GSS: variants seen among roughly 807,000 people sequenced by gnomAD.
The protein encoded by GSS is glutathione synthetase.
GSS carries 34 observed loss-of-function variants against 60.4 expected under a neutral mutation model. The observed-to-expected ratio is 0.56, with a 90% CI of 0.43 to 0.75. GSS has a LOEUF of 0.75. Ranked by LOEUF, GSS falls within the 30% of genes least tolerant of loss-of-function variation. The pLI is 0.00. For missense variants in GSS, 499 were observed against 595.1 expected (o/e 0.84, Z 1.68); for synonymous variants, 224 against 239.0 (o/e 0.94, Z 0.58).
chr20:34,929,334 AGGCTGGCTCACTT>A, intron 12 of GSS, 54 bp downstream of exon 12: 1 of 1,308,448 alleles, frequency 7.6e-7, no homozygotes. Context: ...GTTCCCCTCT[AGGCTGGCTCACTT>A]GGCTGGCACT....
intron 1 of GSS, chr20:34,952,736 G>A: frequency 6.6e-6 from 1 of 152,144 alleles, no homozygotes; most frequent in Admixed American, 6.6e-5. Flanking sequence ...ACCCAGCCGA[G>A]GCTTTGTATT....
At chr20:34,949,042 A>T (rs78833216) in intron 2 of GSS, among the ~76,000 whole-genome samples, 1 of 148,420 alleles carries the variant, frequency 6.7e-6, no homozygotes, top group Admixed American at 6.7e-5. Flanking sequence ...TAATTTCATG[A>T]TTTTTTTTTT....
At chr20:34,929,358 C>A in intron 12 of GSS, 43 bp downstream of exon 12, 3 of 1,536,730 alleles carry the variant, frequency 2.0e-6, no homozygotes, top group Non-Finnish European at 2.7e-6. Flanking sequence ...GGCTGGCACT[C>A]TTGCAAGCAG....
intron 12 of GSS, 108 bp downstream of exon 12, chr20:34,929,293 C>T: frequency 5.1e-6 from 5 of 985,492 alleles, no homozygotes; most frequent in South Asian, 1.3e-5. Context: ...AGAGCTGGCA[C>T]CGAAGCCCAG....
chr20:34,931,822 C>T, intron 10 of GSS, 117 bp downstream of exon 10: 2 of 945,436 alleles, frequency 2.1e-6, no homozygotes, highest in Non-Finnish European at 1.7e-6. Context: ...CATCACCAAC[C>T]TTGCCAGCTC....
At position 34,932,110 on chromosome 20, in the gene GSS, C is replaced by T. The variant is rs1461396356; in HGVS notation, c.858G>A (p.Leu286=). ...SLQNWEARLL[L]ERSHAAKCPD... ...GGCACTTGGCAGCATGTGACCTCTC[C>T]AGCAGTAGACGTGCTTCCCAATTCT... The change falls in exon 10 of 13, where the codon CTG becomes CTA. Residue 286 remains leucine, a synonymous_variant. Coordinates refer to ENST00000651619, the MANE Select transcript of GSS (RefSeq NM_000178.4). The T allele has an allele frequency of 6.2e-7, 1 of 1,614,014 alleles. No individual in the cohort carries two copies. Among genetic ancestry groups the T allele is most frequent in the Non-Finnish European group, 8.5e-7 (1 of 1,179,842 alleles).
chr20:34,928,939 T>C lies in GSS; in HGVS notation c.1314A>G (p.Thr438=), dbSNP rs1427635872. Residue 438 remains threonine, a synonymous_variant, in exon 13 of 13, where the codon ACA becomes ACG. Coordinates refer to ENST00000651619, the MANE Select transcript of GSS (RefSeq NM_000178.4). ...IFGVYVRQEK[T]LVMNKHVGHL... ...GCCCCACGTGCTTGTTCATCACGAG[T>C]GTCTTTTCCTGCCTATAGAAATGGA... is the stretch of plus-strand genomic sequence containing the variant. The C allele has an allele frequency of 6.2e-7, 1 of 1,613,200 alleles. No homozygotes were observed. Among genetic ancestry groups the C allele is most frequent in the Non-Finnish European group, 8.5e-7 (1 of 1,179,996 alleles).
chr20:34,930,463 T>C (rs368227822), intron 11 of GSS, among the ~76,000 whole-genome samples: 1 of 152,024 alleles, frequency 6.6e-6, no homozygotes, highest in Non-Finnish European at 1.5e-5. Flanking sequence ...TCCCTTCCAC[T>C]ACCCTCTCAC....
chr20:34,952,726 A>G (rs6058146), intron 1 of GSS: 96,344 of 152,212 alleles, frequency 0.63, 31,590 homozygotes, highest in African/African-American at 0.79. Flanking sequence ...GAGCCATCAC[A>G]CCCAGCCGAG....
chr20:34,937,932 A>C (rs2081452866), intron 6 of GSS, among the ~76,000 whole-genome samples: 1 of 152,074 alleles, frequency 6.6e-6, no homozygotes, highest in African/African-American at 2.4e-5. Context: ...ATCTAGGCTC[A>C]CTGCAACCTC....
At position 34,932,011 on chromosome 20, in the gene GSS, C is replaced by G; in HGVS notation, c.957G>C (p.Met319Ile). ...CAGCCTCAGGCTGGCCAGGGAGCAA[C>G]ATCTCCAGCATGCCCGGCCTGCTTA... ...QELSRPGMLE[M>I]LLPGQPEAVA... Residue 319 changes from methionine (M) to isoleucine (I), a missense_variant, in exon 10 of 13, where the codon ATG becomes ATC. Met to Ile is a conservative substitution (Grantham distance 10). Coordinates refer to ENST00000651619, the MANE Select transcript of GSS (RefSeq NM_000178.4). 1 of 1,614,236 alleles carries G rather than the reference C, an allele frequency of 6.2e-7. No individual in the cohort carries two copies. The highest frequency in any genetic ancestry group is 2.2e-5 in the East Asian group (1 of 44,880).
intron 1 of GSS, among the ~76,000 whole-genome samples, chr20:34,953,620 CTT>C (rs748249699): frequency 6.2e-4 from 67 of 108,778 alleles, no homozygotes; most frequent in Admixed American, 6.6e-4. Context: ...CTCTTTCTTT[CTT>C]TTTTTTTTTT....
intron 2 of GSS, among the ~76,000 whole-genome samples, chr20:34,951,096 A>G (rs1007203932): frequency 5.9e-5 from 9 of 152,170 alleles, no homozygotes; most frequent in Admixed American, 2.0e-4. Context: ...ATAATGAGAA[A>G]TCACCTAAAT....
At chr20:34,945,910 G>A in intron 3 of GSS, 43 bp downstream of exon 3, 2 of 1,606,288 alleles carry the variant, frequency 1.2e-6, no homozygotes, top group Admixed American at 3.3e-5. Context: ...CAGTTCCTTG[G>A]CTCTGGCAGC....
chr20:34,953,302 C>T (rs2081583489), intron 1 of GSS, among the ~76,000 whole-genome samples: 1 of 152,196 alleles, frequency 6.6e-6, no homozygotes. Flanking sequence ...CCCCCTGTCC[C>T]CATGACAGAG....
At chr20:34,949,228 A>G (rs2081546772) in intron 2 of GSS, among the ~76,000 whole-genome samples, 1 of 152,110 alleles carries the variant, frequency 6.6e-6, no homozygotes, top group African/African-American at 2.4e-5. Flanking sequence ...GTAAAAAACA[A>G]ATTAACTCCC....
intron 9 of GSS, among the ~76,000 whole-genome samples, chr20:34,933,098 G>C (rs1176107960): frequency 6.6e-6 from 1 of 152,034 alleles, no homozygotes; most frequent in Non-Finnish European, 1.5e-5. Flanking sequence ...CACCTACCTA[G>C]GCCTCCCAAA....
chr20:34,950,000 C>G (rs1196744003), intron 2 of GSS: 1 of 144,462 alleles, frequency 6.9e-6, no homozygotes, highest in Non-Finnish European at 1.5e-5. Context: ...AAATCATTCT[C>G]TCTCTCTCTC....
chr20:34,931,817 C>A, intron 10 of GSS, 122 bp downstream of exon 10: 2 of 897,476 alleles, frequency 2.2e-6, no homozygotes, highest in Non-Finnish European at 3.6e-6. Flanking sequence ...CAGAGCATCA[C>A]CAACCTTGCC....
Sources: gnomAD v4.1 joint callset for allele counts (sites outside exome capture counted in the v4.1 genomes callset) on GRCh38, gnomAD v4.1.1 for gene constraint, MANE v1.5 for transcripts, NCBI Gene and HGNC (gene_info 2026-07-23, HGNC 2026-07-21) for gene names.